The following CCPG1 variants were observed in gnomAD, a reference collection of about 807,000 sequenced individuals.
CCPG1 encodes the protein cell cycle progression protein 1.
A neutral mutation model predicts 81.3 loss-of-function variants in CCPG1; 46 were observed. The observed-to-expected ratio is 0.57, with a 90% CI of 0.45 to 0.72. The LOEUF (loss-of-function observed/expected upper bound fraction) is 0.72. Ranked by LOEUF, CCPG1 falls within the 30% of genes least tolerant of loss-of-function variation. The probability of loss-of-function intolerance (pLI) is 0.00; values close to 1 mark genes in which losing one functional copy is unlikely to be tolerated. For synonymous variants in CCPG1, 330 were observed against 305.2 expected (o/e 1.08, Z -0.85); for missense variants, 902 against 937.6 (o/e 0.96, Z 0.50).
chr15:55,377,649 G>C (rs1260222355), intron 4 of CCPG1, among the ~76,000 whole-genome samples: 1 of 152,224 alleles, frequency 6.6e-6, no homozygotes, highest in African/African-American at 2.4e-5. Flanking sequence ...CCTTTAGGAG[G>C]TGACTGAGTT....
At chr15:55,376,237 G>A (rs560047062) in intron 5 of CCPG1, among the ~76,000 whole-genome samples, 2 of 152,246 alleles carry the variant, frequency 1.3e-5, no homozygotes, top group South Asian at 4.1e-4. Flanking sequence ...ATATATCCAG[G>A]AACTTTATAC....
intron 1 of CCPG1, among the ~76,000 whole-genome samples, chr15:55,391,809 T>C (rs1346967083): frequency 2.8e-5 from 4 of 142,252 alleles, no homozygotes; most frequent in South Asian, 2.2e-4. Context: ...AGAGCCATAA[T>C]GATCATGCCT....
At chr15:55,392,973 A>T (rs2056950737) in intron 1 of CCPG1, among the ~76,000 whole-genome samples, 1 of 152,140 alleles carries the variant, frequency 6.6e-6, no homozygotes, top group African/African-American at 2.4e-5. Flanking sequence ...GCATGGTGGC[A>T]AGCACCTGTA....
At chr15:55,359,513 A>G (rs747307202) in intron 8 of CCPG1, 26 bp downstream of exon 8, 30 of 1,565,556 alleles carry the variant, frequency 1.9e-5, no homozygotes, top group Non-Finnish European at 1.6e-5. Flanking sequence ...AAACTACTGT[A>G]ATGACACGGT....
In CCPG1 at chr15:55,360,240, A is replaced by T; in HGVS notation, c.1533T>A (p.Ile511=). The T allele has an allele frequency of 6.2e-7, 1 of 1,613,914 alleles. No homozygotes were observed. Among genetic ancestry groups the T allele is most frequent in the Admixed American group, 1.7e-5 (1 of 59,986 alleles). The part of the protein sequence containing the change: ...KEFVRHHKEK[I]KQAKEAVKEN... The stretch of plus-strand genomic sequence containing the variant: ...CCTTCACAGCTTCTTTAGCCTGCTT[A>T]ATTTTCTCTTTATGATGCCTTACAA... The change falls in exon 8 of 9, where the codon ATT becomes ATA. Residue 511 remains isoleucine (I), a synonymous_variant. Coordinates refer to ENST00000442196, the MANE Select transcript of CCPG1 (RefSeq NM_001204450.2).
At chr15:55,366,876 G>A (rs1209608941) in intron 6 of CCPG1, among the ~76,000 whole-genome samples, 1 of 152,008 alleles carries the variant, frequency 6.6e-6, no homozygotes, top group South Asian at 2.1e-4. Flanking sequence ...TGTATGGGGG[G>A]AAAAAACCAC....
chr15:55,363,208 G>GGTT (rs2056241892), intron 7 of CCPG1, among the ~76,000 whole-genome samples: 3 of 151,902 alleles, frequency 2.0e-5, no homozygotes, highest in Admixed American at 2.0e-4. Context: ...AATGAACCGG[G>GGTT]CATGGTGGAG....
chr15:55,377,201 C>T (rs1278720681), intron 4 of CCPG1, 51 bp from the exon 5 acceptor site: 1 of 1,259,258 alleles, frequency 7.9e-7, no homozygotes, highest in South Asian at 1.3e-5. Flanking sequence ...ATTTAAGGGT[C>T]TTACATTTTC....
intron 5 of CCPG1, chr15:55,374,091 TA>T: frequency 1.1e-6 from 1 of 914,194 alleles, no homozygotes; most frequent in Non-Finnish European, 1.5e-6. Context: ...AAGCACTCGG[TA>T]AATAGTAAAT....
At chr15:55,376,485 C>T (rs889477825) in intron 5 of CCPG1, among the ~76,000 whole-genome samples, 3 of 152,236 alleles carry the variant, frequency 2.0e-5, no homozygotes, top group Non-Finnish European at 4.4e-5. Flanking sequence ...GCACCTTGAA[C>T]TCTGTTTCAC....
chr15:55,356,067 T>C lies in CCPG1; in HGVS notation c.*153A>G. The C allele has an allele frequency of 3.2e-6, 2 of 620,650 alleles. No homozygotes were observed. The highest frequency in any genetic ancestry group is 3.2e-5 in the East Asian group (1 of 31,534). The allele number at this position is 620,650 out of a possible 1,614,324, so 38.4% of individuals were successfully genotyped here. A position where few individuals can be genotyped will look rare whatever the true frequency, so the allele number is the denominator to read the frequency against. On this transcript the variant is annotated 3_prime_UTR_variant, in exon 9 of 9. Coordinates refer to ENST00000442196, the MANE Select transcript of CCPG1 (RefSeq NM_001204450.2). Reference sequence around the variant, plus strand: ...TGCAGGTTAGTAGACTTTTAACTAATGCTTCTGAGGAATAATATAAAGTTA... The same window carrying C: ...TGCAGGTTAGTAGACTTTTAACTAACGCTTCTGAGGAATAATATAAAGTTA...
At chr15:55,390,333 A>C (rs2056889250) in intron 1 of CCPG1, among the ~76,000 whole-genome samples, 1 of 152,220 alleles carries the variant, frequency 6.6e-6, no homozygotes, top group Admixed American at 6.5e-5. Flanking sequence ...CACTGGCAAC[A>C]ACCTGGACTC....
intron 6 of CCPG1, among the ~76,000 whole-genome samples, chr15:55,369,978 T>C (rs1164884169): frequency 2.0e-5 from 3 of 151,538 alleles, no homozygotes; most frequent in Non-Finnish European, 2.9e-5. Context: ...TACTTATTGA[T>C]TGTTTCAGCT....
chr15:55,396,947 G>A (rs2057028637), intron 1 of CCPG1, among the ~76,000 whole-genome samples: 1 of 152,166 alleles, frequency 6.6e-6, no homozygotes, highest in African/African-American at 2.4e-5. Flanking sequence ...GCTCACGCCT[G>A]TAATCCCAGC....
At chr15:55,364,428 G>A (rs886784175) in intron 7 of CCPG1, among the ~76,000 whole-genome samples, 1 of 150,890 alleles carries the variant, frequency 6.6e-6, no homozygotes, top group Non-Finnish European at 1.5e-5. Flanking sequence ...GCTTCGCTCT[G>A]TGAAAATAAT....
chr15:55,379,731 T>C (rs1341018212), intron 3 of CCPG1, among the ~76,000 whole-genome samples: 1 of 152,098 alleles, frequency 6.6e-6, no homozygotes, highest in East Asian at 1.9e-4. Context: ...CTACAGAAGA[T>C]ATATTTTATA....
intron 7 of CCPG1, among the ~76,000 whole-genome samples, chr15:55,362,283 C>T (rs1255850152): frequency 6.6e-6 from 1 of 151,002 alleles, no homozygotes; most frequent in Non-Finnish European, 1.5e-5. Context: ...GTTATGGTTA[C>T]CCCATTTGAG....
intron 3 of CCPG1, among the ~76,000 whole-genome samples, chr15:55,381,362 G>A (rs1373164147): frequency 1.3e-5 from 2 of 151,858 alleles, no homozygotes; most frequent in African/African-American, 4.8e-5. Context: ...GAACCGGGGA[G>A]GCGGAGGTTA....
At chr15:55,389,330 A>C (rs776124923) in intron 2 of CCPG1, 35 bp downstream of exon 2, 4 of 1,424,990 alleles carry the variant, frequency 2.8e-6, no homozygotes, top group Non-Finnish European at 4.0e-6. Flanking sequence ...CATTAATATT[A>C]CAAATTACCT....
Sources: gnomAD v4.1 joint callset for allele counts (sites outside exome capture counted in the v4.1 genomes callset) on GRCh38, gnomAD v4.1.1 for gene constraint, MANE v1.5 for transcripts, NCBI Gene and HGNC (gene_info 2026-07-23, HGNC 2026-07-21) for gene names.